ZNF439: variants seen among roughly 807,000 people sequenced by gnomAD.
ZNF439 encodes zinc finger protein 439.
ZNF439 carries 40 observed loss-of-function variants against 47.3 expected under a neutral mutation model. The ratio of observed to expected loss-of-function variants is 0.85; its 90% CI spans 0.66 to 1.10. The LOEUF (loss-of-function observed/expected upper bound fraction) is 1.10, where lower values mean the gene tolerates loss of function less well. Ranked by LOEUF, ZNF439 falls within the 50% of genes least tolerant of loss-of-function variation. The probability of loss-of-function intolerance (pLI) is 0.00; values close to 1 mark genes in which losing one functional copy is unlikely to be tolerated. For missense variants in ZNF439, 556 were observed against 601.1 expected, an observed-to-expected ratio of 0.93 and a Z score of 0.78; for synonymous variants, 171 against 198.8, an observed-to-expected ratio of 0.86 and a Z score of 1.18.
At chr19:11,861,053 C>G (rs1423654461) in intron 1 of ZNF439, among the ~76,000 whole-genome samples, 1 of 152,180 alleles carries the variant, frequency 6.6e-6, no homozygotes, top group Non-Finnish European at 1.5e-5. Flanking sequence ...TTTGTTCATA[C>G]TCTCCAGGGT....
At chr19:11,866,920 A>G (rs1976701252) in intron 3 of ZNF439, among the ~76,000 whole-genome samples, 1 of 152,108 alleles carries the variant, frequency 6.6e-6, no homozygotes, top group South Asian at 2.1e-4. Flanking sequence ...CCAGCTACTC[A>G]GGAGGCTGAG....
Position 11,867,291 on chromosome 19 carries a change from T to G in ZNF439, c.252-15T>G. 1.3e-6 allele frequency: 2 copies of G among 1,596,296 alleles called. No homozygotes were observed. Among genetic ancestry groups the G allele is most frequent in the Non-Finnish European group, 1.7e-6 (2 of 1,175,792 alleles). On this transcript the variant is annotated splice_polypyrimidine_tract_variant and intron_variant, in intron 3 of 3. Coordinates refer to ENST00000682736, the MANE Select transcript of ZNF439 (RefSeq NM_001348719.2). Reference sequence around the variant, plus strand: ...ATAAACAAACTCTTCATAATTTGTTTCTCATTTTTGACAGGAGTGTCACAG... The same window carrying G: ...ATAAACAAACTCTTCATAATTTGTTGCTCATTTTTGACAGGAGTGTCACAG...
intron 1 of ZNF439, chr19:11,849,395 GA>G (rs200872994): frequency 2.1e-5 from 14 of 679,848 alleles, no homozygotes; most frequent in Admixed American, 6.1e-5. Context: ...TTTGTCAACG[GA>G]AAAAAAACAG....
intron 1 of ZNF439, among the ~76,000 whole-genome samples, chr19:11,864,452 A>G (rs1214786618): frequency 1.3e-5 from 2 of 151,982 alleles, no homozygotes; most frequent in East Asian, 3.9e-4. Flanking sequence ...CACTCGCTGC[A>G]CGCCTGGCTA....
chr19:11,865,601 CT>C (rs1175660689), intron 1 of ZNF439, among the ~76,000 whole-genome samples: 1 of 145,220 alleles, frequency 6.9e-6, no homozygotes, highest in Non-Finnish European at 1.5e-5. Flanking sequence ...CTAATGTTAA[CT>C]TTTTTCTGCA....
chr19:11,850,567 C>G (rs888560587), intron 1 of ZNF439: 1 of 151,860 alleles, frequency 6.6e-6, no homozygotes, highest in South Asian at 2.1e-4. Flanking sequence ...TAGCAATGAC[C>G]AAAACACAGA....
intron 1 of ZNF439, among the ~76,000 whole-genome samples, chr19:11,852,754 C>T (rs898382510): frequency 9.9e-5 from 15 of 151,872 alleles, no homozygotes; most frequent in African/African-American, 3.6e-4. Flanking sequence ...AAGTGGTCCA[C>T]CCACCTTGGC....
chr19:11,852,790 G>T (rs1465556539), intron 1 of ZNF439, among the ~76,000 whole-genome samples: 2 of 152,096 alleles, frequency 1.3e-5, no homozygotes, highest in African/African-American at 2.4e-5. Flanking sequence ...GATTACAGGT[G>T]TGAGCCACCA....
In ZNF439 at chr19:11,868,018, G is replaced by C. The variant is rs1156709080; in HGVS notation, c.964G>C (p.Glu322Gln). The C allele has an allele frequency of 6.2e-7, 1 of 1,614,174 alleles. No individual in the cohort carries two copies. Among genetic ancestry groups the C allele is most frequent in the South Asian group, 1.1e-5 (1 of 91,086 alleles). Residue 322 changes from glutamate (E) to glutamine (Q), a missense_variant, in exon 4 of 4, where the codon GAA (glutamate) becomes CAA (glutamine). By Grantham distance (29) the Glu-to-Gln change is conservative. Transcript: ENST00000682736. ...FMCPRYVRRHERTHSRKKLYE... is the reference protein window; with the variant it reads ...FMCPRYVRRHQRTHSRKKLYE... Reference sequence around the variant, plus strand: ...GTGTCCCCGTTATGTTCGTAGACATGAAAGGACCCACTCTAGGAAAAAACT... The same window carrying C: ...GTGTCCCCGTTATGTTCGTAGACATCAAAGGACCCACTCTAGGAAAAAACT...
Position 11,864,324 on chromosome 19 carries a change from G to A in ZNF439, c.64-1881G>A, listed in dbSNP as rs143149522. 5.1e-3 allele frequency among the ~76,000 whole-genome samples: 782 copies of A among 152,190 alleles called. 9 individuals are homozygous for A. Among genetic ancestry groups the A allele is most frequent in the African/African-American group, 0.018 (751 of 41,508 alleles). On this transcript the variant is annotated intron_variant, in intron 1 of 3. Transcript: ENST00000682736. ...CATTTTTTGTTTGATTTGAGATGGA[G>A]TCTCACTCTGTCGCCCAGGCTAGAG...
At chr19:11,849,168 G>C (rs1233633595) in intron 1 of ZNF439, 2 of 1,083,128 alleles carry the variant, frequency 1.8e-6, no homozygotes, top group Non-Finnish European at 2.2e-6. Context: ...GCAGCTCCGC[G>C]CCCGCAGCCC....
Position 11,868,738 on chromosome 19 carries a change from G to T in ZNF439, c.*169G>T. 4.0e-6 allele frequency: 3 copies of T among 757,840 alleles called. No individual in the cohort carries two copies. The highest frequency in any genetic ancestry group is 6.7e-6 in the Non-Finnish European group (3 of 446,940). The allele number at this position is 757,840 out of a possible 1,614,324, so 46.9% of individuals were successfully genotyped here. On this transcript the variant is annotated 3_prime_UTR_variant, in exon 4 of 4. Coordinates refer to ENST00000682736, the MANE Select transcript of ZNF439 (RefSeq NM_001348719.2). ...CACAGTGGAGAAAAACTCTATGAGTGTAAGCAATGTGGGAAAGTCTTCAGA... is the reference window on the plus strand; with the variant it reads ...CACAGTGGAGAAAAACTCTATGAGTTTAAGCAATGTGGGAAAGTCTTCAGA...
chr19:11,868,365 C>T lies in ZNF439; in HGVS notation c.1311C>T (p.His437=), dbSNP rs1486146044. The change falls in exon 4 of 4, where the codon CAC becomes CAT. Residue 437 remains histidine, a synonymous_variant. Coordinates refer to ENST00000682736, the MANE Select transcript of ZNF439 (RefSeq NM_001348719.2). ...APNLQLHGRT[H]TGEKPYQCKE... ...ATCTTCAATTGCATGGTAGGACTCA[C>T]ACTGGAGAGAAACCGTATCAATGTA... The T allele has an allele frequency of 6.2e-7, 1 of 1,605,792 alleles. No individual in the cohort carries two copies.
At chr19:11,860,190 C>T (rs893460670) in intron 1 of ZNF439, among the ~76,000 whole-genome samples, 3 of 152,108 alleles carry the variant, frequency 2.0e-5, no homozygotes, top group African/African-American at 7.2e-5. Context: ...CTCCTCAATC[C>T]CAGCACTTTG....
intron 1 of ZNF439, 111 bp from the exon 2 acceptor site, chr19:11,866,094 G>A: frequency 6.4e-7 from 1 of 1,552,228 alleles, no homozygotes; most frequent in South Asian, 1.2e-5. Context: ...ACCAAAGCAG[G>A]GAATAAATGT....
intron 1 of ZNF439, among the ~76,000 whole-genome samples, chr19:11,860,477 C>T (rs73920385): frequency 0.018 from 2,711 of 152,148 alleles, 67 homozygotes; most frequent in African/African-American, 0.063. Flanking sequence ...CCTGGGGTCC[C>T]CATTTGTGTG....
Position 11,868,041 on chromosome 19 carries a change from A to T in ZNF439, c.987A>T (p.Lys329Asn), listed in dbSNP as rs1976750831. The change falls in exon 4 of 4, where the codon AAA (lysine) becomes AAT (asparagine). Residue 329 changes from lysine (K) to asparagine (N), a missense_variant. Coordinates refer to ENST00000682736, the MANE Select transcript of ZNF439 (RefSeq NM_001348719.2). ...RRHERTHSRK[K>N]LYECKQCGKA... Reference sequence around the variant, plus strand: ...ATGAAAGGACCCACTCTAGGAAAAAACTTTATGAATGTAAGCAGTGTGGGA... The same window carrying T: ...ATGAAAGGACCCACTCTAGGAAAAATCTTTATGAATGTAAGCAGTGTGGGA... 4 of 1,614,168 alleles carry T rather than the reference A, an allele frequency of 2.5e-6. No homozygotes were observed. The highest frequency in any genetic ancestry group is 3.4e-6 in the Non-Finnish European group (4 of 1,180,020).
At chr19:11,860,603 G>A (rs1331587671) in intron 1 of ZNF439, among the ~76,000 whole-genome samples, 4 of 152,036 alleles carry the variant, frequency 2.6e-5, no homozygotes, top group African/African-American at 7.3e-5. Flanking sequence ...GGACGAACGC[G>A]GGAATAAAGA....
intron 1 of ZNF439, among the ~76,000 whole-genome samples, chr19:11,855,140 G>C (rs536063739): frequency 2.0e-5 from 3 of 152,286 alleles, no homozygotes; most frequent in African/African-American, 7.2e-5. Context: ...ATTGGATCCC[G>C]GTGTGGTATA....
Sources: allele counts gnomAD v4.1 joint callset (sites outside exome capture counted in the v4.1 genomes callset), GRCh38; gene constraint gnomAD v4.1.1; transcripts MANE v1.5; gene names NCBI Gene and HGNC (gene_info 2026-07-23, HGNC 2026-07-21).